RAB23: variants seen among roughly 807,000 people sequenced by gnomAD.
RAB23 encodes the protein ras-related protein Rab-23.
In RAB23, 15 loss-of-function variants were observed where a neutral mutation model predicts 30.0. The observed-to-expected ratio is 0.50, with a 90% CI of 0.33 to 0.77. The LOEUF is 0.77. Among genes scored for constraint, RAB23 ranks in the 30% least tolerant of loss-of-function variants. The probability of loss-of-function intolerance (pLI) is 0.02; values close to 1 mark genes in which losing one functional copy is unlikely to be tolerated. For missense variants in RAB23, 243 were observed against 275.4 expected, an observed-to-expected ratio of 0.88 and a Z score of 0.83; for synonymous variants, 93 against 94.0, an observed-to-expected ratio of 0.99 and a Z score of 0.06.
chr6:57,198,710 T>TA (rs1360357775), intron 3 of RAB23, among the ~76,000 whole-genome samples: 1 of 151,776 alleles, frequency 6.6e-6, no homozygotes, highest in African/African-American at 2.4e-5. Flanking sequence ...TTCTTTATCA[T>TA]AAAACTCAAT....
At chr6:57,218,001 G>GT (rs1765912542) in intron 1 of RAB23, among the ~76,000 whole-genome samples, 1 of 151,834 alleles carries the variant, frequency 6.6e-6, no homozygotes, top group African/African-American at 2.4e-5. Flanking sequence ...TTTTTGAAAA[G>GT]TATAAACGAC....
intron 1 of RAB23, among the ~76,000 whole-genome samples, chr6:57,211,794 C>A (rs867716767): frequency 6.6e-6 from 1 of 152,180 alleles, no homozygotes; most frequent in South Asian, 2.1e-4. Flanking sequence ...ATGAAAAGAA[C>A]AGAAAGTCAA....
At chr6:57,193,398 ATC>A (rs1764912334) in intron 6 of RAB23, among the ~76,000 whole-genome samples, 2 of 152,250 alleles carry the variant, frequency 1.3e-5, no homozygotes, top group Non-Finnish European at 2.9e-5. Context: ...GAAGAGAGAC[ATC>A]TGGTCAGGCA....
At chr6:57,209,950 C>T (rs543964568) in intron 2 of RAB23, among the ~76,000 whole-genome samples, 94 of 150,376 alleles carry the variant, frequency 6.3e-4, no homozygotes, top group African/African-American at 2.2e-3. Context: ...GTGTTTAAGA[C>T]GTGCCCAAGG....
rs755432344 is a variant in RAB23, at chr6:57,210,353, T to C, written c.28A>G (p.Ile10Val). 5.6e-6 allele frequency: 9 copies of C among 1,614,036 alleles called. No homozygotes were observed. In the African/African-American group the frequency reaches 6.7e-5, roughly 12 times the overall value. The stretch of plus-strand genomic sequence containing the variant: ...CCATTCCCTACAACCACCATCTTTA[T>C]GGCGACTTCCATATCTTCCTCCAAC... MLEEDMEVA[I>V]KMVVVGNGAV... Residue 10 changes from isoleucine (I) to valine (V), a missense_variant, in exon 2 of 7, where the codon ATA (isoleucine) becomes GTA (valine). Physicochemically the swap from Ile to Val is conservative, Grantham distance 29. Coordinates refer to ENST00000468148, the MANE Select transcript of RAB23 (RefSeq NM_016277.5).
intron 1 of RAB23, among the ~76,000 whole-genome samples, chr6:57,219,149 A>G (rs1236835527): frequency 6.6e-6 from 1 of 152,256 alleles, no homozygotes; most frequent in Non-Finnish European, 1.5e-5. Flanking sequence ...GTCAGAGGAC[A>G]TATGTACAAC....
At chr6:57,209,061 G>C (rs961043482) in intron 2 of RAB23, among the ~76,000 whole-genome samples, 1 of 152,062 alleles carries the variant, frequency 6.6e-6, no homozygotes, top group African/African-American at 2.4e-5. Flanking sequence ...ACTACACTTA[G>C]GAGCCTTCTT....
At chr6:57,206,152 G>A (rs1023627742) in intron 3 of RAB23, among the ~76,000 whole-genome samples, 3 of 152,168 alleles carry the variant, frequency 2.0e-5, no homozygotes, top group Non-Finnish European at 2.9e-5. Context: ...GCATTTTGCT[G>A]AGCAAGTATT....
chr6:57,200,134 A>G (rs1452888952), intron 3 of RAB23, among the ~76,000 whole-genome samples: 1 of 152,160 alleles, frequency 6.6e-6, no homozygotes, highest in Non-Finnish European at 1.5e-5. Context: ...TGCAGAATTT[A>G]GAAAGCAAAT....
chr6:57,196,341 A>C, intron 4 of RAB23, 109 bp downstream of exon 4: 1 of 1,315,828 alleles, frequency 7.6e-7, no homozygotes, highest in South Asian at 1.2e-5. Context: ...TAAAGCCTTC[A>C]AAATGAAAGT....
chr6:57,199,181 G>T (rs915160700), intron 3 of RAB23, among the ~76,000 whole-genome samples: 1 of 152,224 alleles, frequency 6.6e-6, no homozygotes, highest in Non-Finnish European at 1.5e-5. Context: ...TGCCTATGCT[G>T]CAGGGGGCTC....
In RAB23 at chr6:57,207,675, G is replaced by A; in HGVS notation, c.194C>T (p.Thr65Ile). 1.2e-6 allele frequency: 2 copies of A among 1,605,666 alleles called. No homozygotes were observed. ...DEDVRLMLWD[T>I]AGQEEFDAIT... The stretch of plus-strand genomic sequence containing the variant: ...TGCATCAAATTCCTCCTGACCTGCA[G>A]TGTCCCATAACATTAGTCTGACATC... Residue 65 changes from threonine to isoleucine, a missense_variant, in exon 3 of 7, where the codon ACT becomes ATT. By Grantham distance (89) the Thr-to-Ile change is moderately conservative. Transcript: ENST00000468148.
chr6:57,190,724 A>G, intron 6 of RAB23, 124 bp from the exon 7 acceptor site: 1 of 1,290,558 alleles, frequency 7.7e-7, no homozygotes, highest in Non-Finnish European at 1.1e-6. Flanking sequence ...TTGTAGTAAA[A>G]TCCAACAAAA....
At chr6:57,208,501 G>A (rs563142284) in intron 2 of RAB23, among the ~76,000 whole-genome samples, 1 of 151,916 alleles carries the variant, frequency 6.6e-6, no homozygotes, top group Non-Finnish European at 1.5e-5. Flanking sequence ...AGAAAAATTA[G>A]CTGTGTGTGG....
Position 57,188,360 on chromosome 6 carries a change from T to C in RAB23, c.*2101A>G, listed in dbSNP as rs996073996. 1 of 152,098 alleles carries C rather than the reference T, an allele frequency of 6.6e-6. No homozygotes were observed. The highest frequency in any genetic ancestry group is 1.5e-5 in the Non-Finnish European group (1 of 67,990). The allele number at this position is 152,098 out of a possible 1,614,324, so 9.4% of individuals were successfully genotyped here. ...AACAAAGCTCTCTCTTCAGTTCTTA[T>C]TTAAAAAAAGATAAAACTAGGTACA... On this transcript the variant is annotated 3_prime_UTR_variant, in exon 7 of 7. Transcript: ENST00000468148.
At chr6:57,198,992 G>T (rs1299637552) in intron 3 of RAB23, among the ~76,000 whole-genome samples, 1 of 152,218 alleles carries the variant, frequency 6.6e-6, no homozygotes, top group Non-Finnish European at 1.5e-5. Flanking sequence ...GGACAGAATG[G>T]GTACAGACCA....
chr6:57,201,313 C>A (rs1311776927), intron 3 of RAB23, among the ~76,000 whole-genome samples: 1 of 152,098 alleles, frequency 6.6e-6, no homozygotes, highest in Non-Finnish European at 1.5e-5. Flanking sequence ...GAACTCCTGA[C>A]CTCAGGTGAT....
rs2128004147 is a variant in RAB23, at chr6:57,210,249, A to C, written c.132T>G (p.Val44=). The C allele has an allele frequency of 6.2e-7, 1 of 1,614,118 alleles. No homozygotes were observed. The highest frequency in any genetic ancestry group is 8.5e-7 in the Non-Finnish European group (1 of 1,179,958). ...ACTGAATTTGTCGCTCCAAAAAATC[A>C]ACTCCAATGGTTTTCTTGTAGTCTT... is the stretch of plus-strand genomic sequence containing the variant. The part of the protein sequence containing the change: ...FTKDYKKTIG[V]DFLERQIQVN... Residue 44 remains valine, a synonymous_variant, in exon 2 of 7, where the codon GTT becomes GTG. Transcript: ENST00000468148.
rs1318546806 is a variant in RAB23 at position 57,190,548 on chromosome 6, G to A, written c.627C>T (p.Leu209=). The A allele has an allele frequency of 6.2e-7, 1 of 1,613,548 alleles. No individual in the cohort carries two copies. The highest frequency in any genetic ancestry group is 1.3e-5 in the African/African-American group (1 of 74,900). Reference sequence around the variant, plus strand: ...TAAGATTGATGACATCTCCACCATTGAGGGTACCTGAATTCTGACCGGAGT... The same window carrying A: ...TAAGATTGATGACATCTCCACCATTAAGGGTACCTGAATTCTGACCGGAGT... ...GSHSGQNSGT[L]NGGDVINLRP... The change falls in exon 7 of 7, where the codon CTC becomes CTT. Residue 209 remains leucine, a synonymous_variant. Transcript: ENST00000468148.
Sources: allele counts gnomAD v4.1 joint callset (sites outside exome capture counted in the v4.1 genomes callset), GRCh38; gene constraint gnomAD v4.1.1; transcripts MANE v1.5; gene names NCBI Gene and HGNC (gene_info 2026-07-23, HGNC 2026-07-21).